The following ABCA9 variants were observed in gnomAD, a reference collection of about 807,000 sequenced individuals.
The protein encoded by ABCA9 is ATP binding cassette subfamily A member 9.
A neutral mutation model predicts 205.3 loss-of-function variants in ABCA9; 183 were observed. The ratio of observed to expected loss-of-function variants is 0.89; its 90% CI spans 0.79 to 1.01. The LOEUF is 1.01. Among genes scored for constraint, ABCA9 ranks in the 50% least tolerant of loss-of-function variants. The probability of loss-of-function intolerance (pLI) is 0.00; values close to 1 mark genes in which losing one functional copy is unlikely to be tolerated. For synonymous variants in ABCA9, 651 were observed against 683.3 expected (o/e 0.95, Z 0.74); for missense variants, 1,805 against 1,912.4 (o/e 0.94, Z 1.05).
At chr17:69,047,812 G>A (rs543118877) in intron 3 of ABCA9, among the ~76,000 whole-genome samples, 12 of 152,188 alleles carry the variant, frequency 7.9e-5, no homozygotes, top group African/African-American at 2.4e-4. Flanking sequence ...CAAATTTCAC[G>A]CCACTGGCTA....
chr17:69,075,976 T>C, the ABCA9 span, among the ~76,000 whole-genome samples: 2 of 152,142 alleles, frequency 1.3e-5, no homozygotes, highest in African/African-American at 4.8e-5. Context: ...TAGGAATTTA[T>C]TTTTTGTGTG....
intron 34 of ABCA9, 94 bp downstream of exon 34, chr17:68,984,791 G>C (rs1289072901): frequency 1.3e-6 from 2 of 1,514,390 alleles, no homozygotes; most frequent in African/African-American, 2.8e-5. Flanking sequence ...TCCTGATACT[G>C]TGTCTTTTCC....
intron 18 of ABCA9, among the ~76,000 whole-genome samples, chr17:69,021,521 C>G (rs1280493613): frequency 6.6e-6 from 1 of 152,074 alleles, no homozygotes; most frequent in East Asian, 1.9e-4. Flanking sequence ...GCATAAGGAA[C>G]TAGTGTTGTA....
At chr17:69,009,317 A>G (rs1307881302) in intron 23 of ABCA9, among the ~76,000 whole-genome samples, 3 of 152,124 alleles carry the variant, frequency 2.0e-5, no homozygotes, top group Non-Finnish European at 4.4e-5. Flanking sequence ...TGAAGTCATG[A>G]GTTAGGGTAT....
upstream of ABCA9, among the ~76,000 whole-genome samples, chr17:69,065,190 A>G (rs2072334199): frequency 6.6e-6 from 1 of 152,210 alleles, no homozygotes; most frequent in Admixed American, 6.5e-5. Context: ...ACTTGCAATC[A>G]AAGAACTTGT....
At chr17:69,075,110 T>G in the ABCA9 span, among the ~76,000 whole-genome samples, 2 of 152,292 alleles carry the variant, frequency 1.3e-5, no homozygotes, top group African/African-American at 4.8e-5. Flanking sequence ...TTTTTGCTTG[T>G]TGAAATAAGT....
In ABCA9 at chr17:69,035,287, ACAAAGTC is replaced by A; in HGVS notation, c.1080_1086del (p.Trp360CysfsTer23). On this transcript the variant is annotated frameshift_variant, in exon 8 of 39. Transcript: ENST00000340001. LOFTEE classifies it high-confidence loss of function. ...GTGAAGGCAAAGGGGCTAAGAAGAC[ACAAAGTC>A]CATTCCAAAAATGCAGGAAGACGTG... 6.2e-7 allele frequency: 1 copy of A among 1,605,838 alleles called. No homozygotes were observed. Among genetic ancestry groups the A allele is most frequent in the African/African-American group, 1.3e-5 (1 of 74,742 alleles).
At chr17:68,987,739 T>C (rs1044280578) in intron 31 of ABCA9, among the ~76,000 whole-genome samples, 1 of 139,660 alleles carries the variant, frequency 7.2e-6, no homozygotes, top group Non-Finnish European at 1.5e-5. Flanking sequence ...CATTTGCGTT[T>C]TTTTTTGTTT....
Position 69,016,292 on chromosome 17 carries a change from C to A in ABCA9, c.3000G>T (p.Ser1000=), listed in dbSNP as rs752591460. The change falls in exon 22 of 39, where the codon TCG becomes TCT. Residue 1000 remains serine (S), a synonymous_variant. Coordinates refer to ENST00000340001, the MANE Select transcript of ABCA9 (RefSeq NM_080283.4). ...ISNGLLGIFN[S]SEHIQTDRST... Reference sequence around the variant, plus strand: ...TTCTGTCAGTCTGAATGTGTTCTGACGAATTAAAAATTCCAAGTAGTCCAT... The same window carrying A: ...TTCTGTCAGTCTGAATGTGTTCTGAAGAATTAAAAATTCCAAGTAGTCCAT... 3.8e-6 allele frequency: 6 copies of A among 1,598,816 alleles called. No individual in the cohort carries two copies. In the South Asian group the frequency reaches 6.8e-5, roughly 18 times the overall value.
At chr17:69,048,844 C>T (rs2071807046) in intron 3 of ABCA9, among the ~76,000 whole-genome samples, 1 of 152,088 alleles carries the variant, frequency 6.6e-6, no homozygotes, top group African/African-American at 2.4e-5. Flanking sequence ...AATCTTGTGG[C>T]TTTTAGAGCT....
At chr17:69,077,461 T>C in the ABCA9 span, among the ~76,000 whole-genome samples, 1 of 152,210 alleles carries the variant, frequency 6.6e-6, no homozygotes, top group Non-Finnish European at 1.5e-5. Context: ...TGTGTGCAGA[T>C]GAGAAGAATG....
chr17:69,003,610 C>T (rs1461615969), intron 25 of ABCA9, among the ~76,000 whole-genome samples: 1 of 145,652 alleles, frequency 6.9e-6, no homozygotes, highest in African/African-American at 2.6e-5. Flanking sequence ...AGTTGCTCTT[C>T]TCGAGGAGTA....
intron 6 of ABCA9, among the ~76,000 whole-genome samples, chr17:69,040,084 A>T (rs2071483052): frequency 6.6e-6 from 1 of 152,242 alleles, no homozygotes; most frequent in African/African-American, 2.4e-5. Flanking sequence ...GTGGAGAAAT[A>T]GGAATGCTTT....
At chr17:68,985,283 C>CA (rs2069194494) in intron 32 of ABCA9, among the ~76,000 whole-genome samples, 155 bp from the exon 33 acceptor site, 1 of 152,186 alleles carries the variant, frequency 6.6e-6, no homozygotes, top group Admixed American at 6.5e-5. Flanking sequence ...ATGAACCTTT[C>CA]ATAGTCATCA....
intron 22 of ABCA9, 93 bp from the exon 23 acceptor site, chr17:69,012,176 G>A: frequency 1.2e-6 from 1 of 847,364 alleles, no homozygotes; most frequent in South Asian, 1.9e-5. Flanking sequence ...AATGAATTGA[G>A]CTGATCACTC....
At position 69,029,222 on chromosome 17, in the gene ABCA9, T is replaced by G. The variant is rs2071085941; in HGVS notation, c.1451A>C (p.Lys484Thr). The G allele has an allele frequency of 1.9e-6, 3 of 1,555,958 alleles. No individual in the cohort carries two copies. Among genetic ancestry groups the G allele is most frequent in the Non-Finnish European group, 2.6e-6 (3 of 1,138,010 alleles). Reference sequence around the variant, plus strand: ...CCCTGCATATTCTTTTTTAAGATTTTTGATTCTGAAAAAAAGAGGGAAATG... The same window carrying G: ...CCCTGCATATTCTTTTTTAAGATTTGTGATTCTGAAAAAAAGAGGGAAATG... ...EFCGKEAIRI[K>T]NLKKEYAGKC... Residue 484 changes from lysine (K) to threonine (T), a missense_variant, in exon 11 of 39, where the codon AAA (lysine) becomes ACA (threonine). By Grantham distance (78) the Lys-to-Thr change is moderately conservative. Coordinates refer to ENST00000340001, the MANE Select transcript of ABCA9 (RefSeq NM_080283.4).
intron 25 of ABCA9, among the ~76,000 whole-genome samples, chr17:68,999,510 T>G (rs1475714799): frequency 1.4e-5 from 2 of 140,352 alleles, no homozygotes; most frequent in Non-Finnish European, 3.1e-5. Context: ...CCACATTTTC[T>G]TAATCCAGTC....
chr17:69,052,766 C>T (rs779890590), intron 1 of ABCA9, among the ~76,000 whole-genome samples: 27 of 152,170 alleles, frequency 1.8e-4, no homozygotes, highest in Middle Eastern at 3.2e-3. Context: ...AGACTGCCCC[C>T]CACTTCAGAT....
At position 69,051,149 on chromosome 17, in the gene ABCA9, G is replaced by A. The variant is rs971675886; in HGVS notation, c.-13-10C>T. The stretch of plus-strand genomic sequence containing the variant: ...CATTTTGACCTGTTTCCTTTAAAAA[G>A]ACAGAAAAAAAATGAAGTACATGTG... On this transcript the variant is annotated splice_polypyrimidine_tract_variant and intron_variant, in intron 1 of 38. Transcript: ENST00000340001. 28 of 1,606,694 alleles carry A rather than the reference G, an allele frequency of 1.7e-5. No individual in the cohort carries two copies. In the Admixed American group the frequency reaches 2.2e-4, roughly 13 times the overall value.
Sources: gnomAD v4.1 joint callset for allele counts (sites outside exome capture counted in the v4.1 genomes callset) on GRCh38, gnomAD v4.1.1 for gene constraint, MANE v1.5 for transcripts, NCBI Gene and HGNC (gene_info 2026-07-23, HGNC 2026-07-21) for gene names.